The following MOSPD1 variants were observed in gnomAD, a reference collection of about 807,000 sequenced individuals.
MOSPD1 encodes the protein motile sperm domain containing 1.
In MOSPD1, 5 loss-of-function variants were observed where a neutral mutation model predicts 16.7. The ratio of observed to expected loss-of-function variants is 0.30; its 90% confidence interval spans 0.16 to 0.63. The LOEUF is 0.63. Among genes scored for constraint, MOSPD1 ranks in the 30% least tolerant of loss-of-function variants. The pLI, the probability that MOSPD1 is intolerant of heterozygous loss-of-function variation, is 0.82. For synonymous variants in MOSPD1, 67 were observed against 59.2 expected, an observed-to-expected ratio of 1.13 and a Z score of -0.61; for missense variants, 104 against 153.6, an observed-to-expected ratio of 0.68 and a Z score of 1.71.
chrX:134,900,984 C>T (rs763526474), intron 1 of MOSPD1, among the ~76,000 whole-genome samples: 1 of 103,404 alleles, frequency 9.7e-6, no homozygotes, highest in Non-Finnish European at 2.1e-5. Flanking sequence ...GTTTCAAGTT[C>T]GGGTTCTCAT....
Position 134,903,000 on chromosome X carries a change from CTTTT to C in MOSPD1, c.-101-3470_-101-3467del, listed in dbSNP as rs754568829. Among the ~76,000 whole-genome samples, 696 of 98,642 alleles carry C rather than the reference CTTTT, an allele frequency of 7.1e-3. 6 individuals are homozygous for C. Among genetic ancestry groups the C allele is most frequent in the African/African-American group, 0.025 (674 of 27,423 alleles). 85.7% of individuals were successfully genotyped at this position (98,642 alleles called of 115,157 possible). ...TGCTCTCAGAAGTTTGATGTGTTCT[CTTTT>C]TTTTTTTTTCAATAAAAAATGGTAA... On this transcript the variant is annotated intron_variant, in intron 1 of 5. Coordinates refer to ENST00000370783, the MANE Select transcript of MOSPD1 (RefSeq NM_019556.3).
chrX:134,900,724 C>T (rs894016824), intron 1 of MOSPD1, among the ~76,000 whole-genome samples: 1 of 110,154 alleles, frequency 9.1e-6, no homozygotes, highest in African/African-American at 3.3e-5. Flanking sequence ...TTACCAAGCA[C>T]ACCAAGTGTG....
chrX:134,892,800 A>G (rs6638296), intron 4 of MOSPD1, among the ~76,000 whole-genome samples: 50,354 of 109,253 alleles, frequency 0.46, 8,777 homozygotes, highest in African/African-American at 0.61. Flanking sequence ...GCTGAGGGAG[A>G]AGAATCGCTT....
At chrX:134,896,008 T>C (rs768646648) in intron 4 of MOSPD1, among the ~76,000 whole-genome samples, 9 of 110,890 alleles carry the variant, frequency 8.1e-5, no homozygotes, top group African/African-American at 2.9e-4. Context: ...AGCAAGTAGA[T>C]TTTTTTTAAT....
At position 134,898,883 on chromosome X, in the gene MOSPD1, T is replaced by C. The variant is rs978196385; in HGVS notation, c.230+207A>G. The C allele has an allele frequency of 3.7e-5, 14 of 377,508 alleles. No individual in the cohort carries two copies. In the South Asian group the frequency reaches 7.1e-4, roughly 19 times the overall value. 31.1% of individuals were successfully genotyped at this position (377,508 alleles called of 1,213,427 possible). ...AAATGTTCATGGAGATACTAACATA[T>C]ACATGAGCTCCAACGTAATAAAATA... On this transcript the variant is annotated intron_variant, in intron 3 of 5. Coordinates refer to ENST00000370783, the MANE Select transcript of MOSPD1 (RefSeq NM_019556.3).
chrX:134,888,556 C>A lies in MOSPD1; in HGVS notation c.*605G>T. Reference sequence around the variant, plus strand: ...CCCCTATGATTCTTGGTGTCTGGACCACAACCTGTTCTGTAATTCACAAGA... The same window carrying A: ...CCCCTATGATTCTTGGTGTCTGGACAACAACCTGTTCTGTAATTCACAAGA... On this transcript the variant is annotated 3_prime_UTR_variant, in exon 6 of 6. Coordinates refer to ENST00000370783, the MANE Select transcript of MOSPD1 (RefSeq NM_019556.3). 9.0e-6 allele frequency: 1 copy of A among 111,356 alleles called. No homozygotes were observed. The highest frequency in any genetic ancestry group is 2.8e-4 in the East Asian group (1 of 3,559). 9.2% of individuals were successfully genotyped at this position (111,356 alleles called of 1,213,427 possible).
intron 4 of MOSPD1, among the ~76,000 whole-genome samples, chrX:134,894,290 A>T (rs913731294): frequency 6.3e-5 from 7 of 111,744 alleles, no homozygotes; most frequent in African/African-American, 2.3e-4. Flanking sequence ...AATATATTTC[A>T]AAATCCAAAT....
chrX:134,901,587 T>C (rs2082911703), intron 1 of MOSPD1, among the ~76,000 whole-genome samples: 1 of 107,211 alleles, frequency 9.3e-6, no homozygotes, highest in African/African-American at 3.4e-5. Flanking sequence ...GAGCAGAGGC[T>C]GCAGTGAGCC....
Position 134,907,230 on chromosome X carries a change from A to T in MOSPD1, c.-101-7696T>A, listed in dbSNP as rs747381613. On this transcript the variant is annotated intron_variant, in intron 1 of 5. Transcript: ENST00000370783. ...GCAACAGAGCGAAACTCCATCTCAA[A>T]AAAATAAAAAAAATAAAGTCCTGCT... is the stretch of plus-strand genomic sequence containing the variant. Among the ~76,000 whole-genome samples, 3 of 110,842 alleles carry T rather than the reference A, an allele frequency of 2.7e-5. No homozygotes were observed. The South Asian group carries it at 1.2e-3, about 43-fold the overall frequency.
Position 134,888,549 on chromosome X carries a change from T to A in MOSPD1, c.*612A>T, listed in dbSNP as rs2082845224. The A allele has an allele frequency of 9.0e-6, 1 of 111,635 alleles. No individual in the cohort carries two copies. 9.2% of individuals were successfully genotyped at this position (111,635 alleles called of 1,213,427 possible). On this transcript the variant is annotated 3_prime_UTR_variant, in exon 6 of 6. Coordinates refer to ENST00000370783, the MANE Select transcript of MOSPD1 (RefSeq NM_019556.3). ...AAAAAAACCCCTATGATTCTTGGTGTCTGGACCACAACCTGTTCTGTAATT... is the reference window on the plus strand; with the variant it reads ...AAAAAAACCCCTATGATTCTTGGTGACTGGACCACAACCTGTTCTGTAATT...
chrX:134,899,916 G>A (rs1478540734), intron 1 of MOSPD1: 1 of 111,926 alleles, frequency 8.9e-6, no homozygotes, highest in African/African-American at 3.3e-5. Flanking sequence ...AGATCACACT[G>A]CTGCACTCCA....
At chrX:134,897,312 C>G (rs1314667176) in intron 3 of MOSPD1, among the ~76,000 whole-genome samples, 4 of 109,953 alleles carry the variant, frequency 3.6e-5, no homozygotes, top group Non-Finnish European at 7.6e-5. Context: ...GGCGCAGTGG[C>G]TCACACCTGT....
chrX:134,891,391 GAAA>G (rs369970722), intron 5 of MOSPD1, 85 bp downstream of exon 5: 29 of 768,961 alleles, frequency 3.8e-5, no homozygotes, highest in Non-Finnish European at 3.9e-5. Context: ...TGTTCTTTGG[GAAA>G]AAAAAAAAAA....
chrX:134,905,843 T>C (rs1484515374), intron 1 of MOSPD1, among the ~76,000 whole-genome samples: 9 of 112,279 alleles, frequency 8.0e-5, no homozygotes, highest in Non-Finnish European at 1.7e-4. Flanking sequence ...TGTGAAACTA[T>C]TTGTTTTAAA....
At chrX:134,892,541 C>T (rs778298199) in intron 4 of MOSPD1, among the ~76,000 whole-genome samples, 1 of 112,418 alleles carries the variant, frequency 8.9e-6, no homozygotes, top group African/African-American at 3.2e-5. Flanking sequence ...ATTTTATTTA[C>T]ATGAACATTC....
intron 5 of MOSPD1, among the ~76,000 whole-genome samples, chrX:134,889,789 G>A (rs186999076): frequency 1.9e-3 from 214 of 111,747 alleles, no homozygotes; most frequent in Middle Eastern, 4.7e-3. Flanking sequence ...GATGGACAGG[G>A]GCTAGGCATG....
intron 3 of MOSPD1, 53 bp downstream of exon 3, chrX:134,899,037 A>C: frequency 1.1e-6 from 1 of 919,130 alleles, no homozygotes; most frequent in South Asian, 2.3e-5. Context: ...CAAGTTAAAA[A>C]CATAAATATT....
chrX:134,911,195 A>C (rs2082969499), intron 1 of MOSPD1, among the ~76,000 whole-genome samples: 1 of 111,920 alleles, frequency 8.9e-6, no homozygotes, highest in South Asian at 3.7e-4. Context: ...GAACTGACCA[A>C]TTCAGATTTG....
rs1313147676 is a variant in MOSPD1 at position 134,896,808 on chromosome X, C to G, written c.448+9G>C. On this transcript the variant is annotated intron_variant, in intron 4 of 5. Transcript: ENST00000370783. ...CCTCAAAAGGGCTTTAAAAACAACC[C>G]AAAACTACCTGGTTGAAACGACTGC... 6.7e-6 allele frequency: 8 copies of G among 1,197,741 alleles called. No homozygotes were observed. The South Asian group carries it at 1.4e-4, about 21-fold the overall frequency.
Sources: gnomAD v4.1 joint callset for allele counts (sites outside exome capture counted in the v4.1 genomes callset) on GRCh38, gnomAD v4.1.1 for gene constraint, MANE v1.5 for transcripts, NCBI Gene and HGNC (gene_info 2026-07-23, HGNC 2026-07-21) for gene names.